Variants in FBXO34 observed in about 807,000 individuals in gnomAD.
FBXO34 encodes F-box only protein 34.
A neutral mutation model predicts 24.5 loss-of-function variants in FBXO34; 12 were observed. That is an observed-to-expected ratio of 0.49 (90% CI 0.31 to 0.79). The LOEUF is 0.79. FBXO34 is among the 30% of genes least tolerant of loss of function. FBXO34 has a pLI of 0.04. For synonymous variants in FBXO34, 320 were observed against 311.9 expected (o/e 1.03, Z -0.27); for missense variants, 823 against 857.7 (o/e 0.96, Z 0.51).
intron 1 of FBXO34, among the ~76,000 whole-genome samples, chr14:55,309,778 A>C (rs928774976): frequency 6.6e-6 from 1 of 152,206 alleles, no homozygotes; most frequent in Non-Finnish European, 1.5e-5. Flanking sequence ...ATTTGTAATA[A>C]TTAGAAATAC....
At chr14:55,411,948 G>C in the FBXO34 span, 4 of 832,658 alleles carry the variant, frequency 4.8e-6, no homozygotes, top group African/African-American at 6.9e-5. Context: ...CTCCGCCGCC[G>C]CGTGTTCCTG....
At chr14:55,278,084 A>G (rs1189080448) in intron 1 of FBXO34, among the ~76,000 whole-genome samples, 1 of 152,122 alleles carries the variant, frequency 6.6e-6, no homozygotes, top group Non-Finnish European at 1.5e-5. Context: ...CAGAAGTTTA[A>G]CTTCCTTGGG....
At chr14:55,373,821 G>T (rs1231087188), downstream of FBXO34, among the ~76,000 whole-genome samples, 2 of 144,276 alleles carry the variant, frequency 1.4e-5, no homozygotes, top group African/African-American at 5.1e-5. Flanking sequence ...AAAAAAAAAA[G>T]TTTATCTTTT....
At chr14:55,322,216 A>G (rs1195438558) in intron 1 of FBXO34, among the ~76,000 whole-genome samples, 1 of 151,806 alleles carries the variant, frequency 6.6e-6, no homozygotes, top group Non-Finnish European at 1.5e-5. Flanking sequence ...AGGCTGAGGC[A>G]AGAGAATGGC....
At chr14:55,369,404 C>T, downstream of FBXO34, 2 of 425,242 alleles carry the variant, frequency 4.7e-6, no homozygotes, top group East Asian at 3.6e-5. Context: ...GACCTTCGAC[C>T]CCTGTTCTCT....
At chr14:55,418,725 T>C in the FBXO34 span, among the ~76,000 whole-genome samples, 1 of 152,270 alleles carries the variant, frequency 6.6e-6, no homozygotes, top group Non-Finnish European at 1.5e-5. Context: ...GGGAAATAAA[T>C]AAATAAGCGT....
chr14:55,391,045 T>C, the FBXO34 span: 2 of 1,221,096 alleles, frequency 1.6e-6, no homozygotes, highest in Non-Finnish European at 2.3e-6. Flanking sequence ...ATGGTTAATA[T>C]GATTATCTAC....
intron 1 of FBXO34, among the ~76,000 whole-genome samples, chr14:55,305,589 C>T (rs185858634): frequency 4.8e-5 from 7 of 147,302 alleles, no homozygotes; most frequent in African/African-American, 1.8e-4. Flanking sequence ...CCCAGCTACT[C>T]GGGAGGCTGA....
At chr14:55,386,273 C>T in the FBXO34 span, among the ~76,000 whole-genome samples, 1 of 152,148 alleles carries the variant, frequency 6.6e-6, no homozygotes, top group African/African-American at 2.4e-5. Context: ...AGATATTACA[C>T]ATAAAGCAAA....
chr14:55,325,312 TATAA>T (rs1336622040), intron 1 of FBXO34, among the ~76,000 whole-genome samples: 4 of 152,200 alleles, frequency 2.6e-5, no homozygotes. Context: ...CTTCTAGACT[TATAA>T]ATATTTTAAT....
chr14:55,436,443 A>G, the FBXO34 span: 1 of 952,538 alleles, frequency 1.0e-6, no homozygotes, highest in Non-Finnish European at 1.6e-6. Flanking sequence ...GATAAAACAA[A>G]GAATTATGAA....
At chr14:55,329,965 C>T (rs553938646) in intron 1 of FBXO34, among the ~76,000 whole-genome samples, 15 of 152,020 alleles carry the variant, frequency 9.9e-5, no homozygotes, top group African/African-American at 3.4e-4. Flanking sequence ...GTTCCTCTTC[C>T]TCCTTTTCTG....
chr14:55,357,065 G>A (rs1006045840), downstream of FBXO34, among the ~76,000 whole-genome samples: 1 of 152,200 alleles, frequency 6.6e-6, no homozygotes, highest in Non-Finnish European at 1.5e-5. Flanking sequence ...AGTCTCAACT[G>A]ACATACATGT....
At chr14:55,292,998 T>G (rs1881993003) in intron 1 of FBXO34, among the ~76,000 whole-genome samples, 1 of 152,180 alleles carries the variant, frequency 6.6e-6, no homozygotes, top group Non-Finnish European at 1.5e-5. Context: ...TTCTCCTCCC[T>G]CAGCCTCTCT....
downstream of FBXO34, chr14:55,369,243 G>C (rs41307104): frequency 0.01 from 1,667 of 164,614 alleles, 18 homozygotes; most frequent in Non-Finnish European, 0.014. Context: ...AAAGTGTCAG[G>C]AACAGTCTCA....
intron 1 of FBXO34, among the ~76,000 whole-genome samples, chr14:55,305,630 G>GT (rs1362643776): frequency 4.7e-5 from 7 of 149,654 alleles, no homozygotes; most frequent in African/African-American, 1.7e-4. Flanking sequence ...GGAGGCAGTG[G>GT]TTGTAGTGAG....
chr14:55,386,032 G>A, the FBXO34 span: 20 of 1,613,960 alleles, frequency 1.2e-5, no homozygotes, highest in Non-Finnish European at 1.7e-5. Flanking sequence ...TTTTCTCTTG[G>A]TGCCGTTGTG....
At chr14:55,303,036 CT>C (rs906518415) in intron 1 of FBXO34, among the ~76,000 whole-genome samples, 2 of 152,044 alleles carry the variant, frequency 1.3e-5, no homozygotes, top group Non-Finnish European at 2.9e-5. Flanking sequence ...TCCTAAAGAT[CT>C]TTAATTTAGG....
Position 55,275,823 on chromosome 14 carries a change from CAAA to C in FBXO34, c.-11+4302_-11+4304del, listed in dbSNP as rs57849080. On this transcript the variant is annotated intron_variant, in intron 1 of 1. Coordinates refer to ENST00000313833, the MANE Select transcript of FBXO34 (RefSeq NM_017943.4). ...TGGGTGACAGAGCGAGACTCTGTCT[CAAA>C]AAAAAAAAAAAAAAACGAGGATAAA... Among the ~76,000 whole-genome samples, 132 of 90,036 alleles carry C rather than the reference CAAA, an allele frequency of 1.5e-3. 1 individual carries two copies. Among genetic ancestry groups the C allele is most frequent in the African/African-American group, 4.5e-3 (125 of 27,502 alleles). The allele number at this position is 90,036 out of a possible 152,430, so 59.1% of individuals were successfully genotyped here. A position where few individuals can be genotyped will look rare whatever the true frequency, so the allele number is the denominator to read the frequency against.
Sources: allele counts gnomAD v4.1 joint callset (sites outside exome capture counted in the v4.1 genomes callset), GRCh38; gene constraint gnomAD v4.1.1; transcripts MANE v1.5; gene names NCBI Gene and HGNC (gene_info 2026-07-23, HGNC 2026-07-21).